Variants in CSMD1 observed in about 807,000 individuals in gnomAD.
CSMD1 encodes the protein CUB and sushi domain-containing protein 1.
In CSMD1, 213 loss-of-function variants were observed where a neutral mutation model predicts 417.5. That is an observed-to-expected ratio of 0.51 (90% CI 0.46 to 0.57). The LOEUF is 0.57. Ranked by LOEUF, CSMD1 falls within the 20% of genes least tolerant of loss-of-function variation. CSMD1 has a pLI of 0.00. For synonymous variants in CSMD1, 2,862 were observed against 1,736.8 expected, an observed-to-expected ratio of 1.65 and a Z score of -16.11; for missense variants, 6,923 against 4,529.7, an observed-to-expected ratio of 1.53 and a Z score of -15.17.
intron 55 of CSMD1, among the ~76,000 whole-genome samples, chr8:2,977,523 T>C (rs908889463): frequency 6.6e-6 from 1 of 152,208 alleles, no homozygotes; most frequent in Non-Finnish European, 1.5e-5. Context: ...TTGGGTTGAT[T>C]CCATGTGTGG....
intron 1 of CSMD1, among the ~76,000 whole-genome samples, chr8:4,688,894 T>A (rs1455520163): frequency 6.6e-6 from 1 of 152,188 alleles, no homozygotes; most frequent in African/African-American, 2.4e-5. Context: ...CACGTCAGTG[T>A]GCTAACAGCA....
intron 6 of CSMD1, among the ~76,000 whole-genome samples, chr8:3,739,253 T>C (rs190087921): frequency 1.4e-3 from 211 of 152,322 alleles, no homozygotes; most frequent in African/African-American, 2.0e-3. Context: ...TCTCATCCTT[T>C]GAAACTTCTG....
intron 10 of CSMD1, among the ~76,000 whole-genome samples, chr8:3,535,712 G>C (rs1234617038): frequency 6.6e-6 from 1 of 152,086 alleles, no homozygotes; most frequent in Admixed American, 6.5e-5. Flanking sequence ...TTGCTTTTTT[G>C]TTAATCCAAG....
chr8:3,312,009 ATTTTAAAATTAG>A (rs1805388455), intron 23 of CSMD1, among the ~76,000 whole-genome samples: 2 of 152,342 alleles, frequency 1.3e-5, no homozygotes, highest in South Asian at 4.1e-4. Flanking sequence ...AAATAGGCTT[ATTTTAAAATTAG>A]TTTAAGAAGA....
chr8:3,485,450 T>G (rs7844574), intron 11 of CSMD1, among the ~76,000 whole-genome samples: 99,458 of 151,216 alleles, frequency 0.66, 33,214 homozygotes, highest in Middle Eastern at 0.77. Flanking sequence ...TTTGGGGTAT[T>G]AGAAATTACC....
chr8:3,691,941 A>T (rs1338376590), intron 7 of CSMD1, among the ~76,000 whole-genome samples: 2 of 152,212 alleles, frequency 1.3e-5, no homozygotes, highest in Non-Finnish European at 2.9e-5. Context: ...TATTATTTTA[A>T]TCAAGAGCTC....
chr8:4,438,571 T>C (rs1798277798), intron 2 of CSMD1, among the ~76,000 whole-genome samples: 1 of 152,162 alleles, frequency 6.6e-6, no homozygotes, highest in African/African-American at 2.4e-5. Context: ...GACGGGAGTG[T>C]GGGGAGCCCT....
intron 6 of CSMD1, among the ~76,000 whole-genome samples, chr8:3,753,195 G>C (rs775516420): frequency 1.3e-5 from 2 of 152,144 alleles, no homozygotes; most frequent in Non-Finnish European, 2.9e-5. Context: ...TAGGCACTTT[G>C]ATTGGGAAGG....
At chr8:4,125,539 C>A (rs775174660) in intron 3 of CSMD1, among the ~76,000 whole-genome samples, 2 of 152,310 alleles carry the variant, frequency 1.3e-5, no homozygotes, top group East Asian at 1.9e-4. Context: ...GGGCGCGCAG[C>A]CTCAACTTTG....
At chr8:3,119,383 C>A (rs375999685) in intron 41 of CSMD1, among the ~76,000 whole-genome samples, 1 of 22,014 alleles carries the variant, frequency 4.5e-5, no homozygotes, top group Admixed American at 8.1e-4. Flanking sequence ...TAGTCTTTTT[C>A]TAAAAAAAAA....
chr8:3,599,242 T>C (rs980641172), intron 8 of CSMD1, among the ~76,000 whole-genome samples: 9 of 151,862 alleles, frequency 5.9e-5, no homozygotes, highest in African/African-American at 2.2e-4. Flanking sequence ...AAATGATTAC[T>C]GCAGTCAAGC....
intron 12 of CSMD1, among the ~76,000 whole-genome samples, chr8:3,437,209 T>C (rs1480068916): frequency 1.3e-5 from 2 of 152,206 alleles, no homozygotes; most frequent in Non-Finnish European, 2.9e-5. Flanking sequence ...AAAAATCCTG[T>C]CTGTTGCTCA....
At chr8:4,722,289 C>G (rs1013467199) in intron 1 of CSMD1, among the ~76,000 whole-genome samples, 3 of 151,876 alleles carry the variant, frequency 2.0e-5, no homozygotes, top group African/African-American at 7.3e-5. Flanking sequence ...ATACAGACTG[C>G]AAGAAAGAGA....
intron 7 of CSMD1, among the ~76,000 whole-genome samples, chr8:3,673,384 G>C (rs1799185872): frequency 6.6e-6 from 1 of 152,176 alleles, no homozygotes; most frequent in Non-Finnish European, 1.5e-5. Flanking sequence ...AAATTAGCAA[G>C]AATATGGAGA....
intron 3 of CSMD1, among the ~76,000 whole-genome samples, chr8:4,183,675 T>C (rs1034423494): frequency 6.6e-6 from 1 of 152,184 alleles, no homozygotes; most frequent in Admixed American, 6.5e-5. Flanking sequence ...ACAAAAATAA[T>C]TTTGTTGTGA....
intron 2 of CSMD1, among the ~76,000 whole-genome samples, chr8:4,428,578 C>G (rs1022905820): frequency 4.3e-4 from 65 of 151,996 alleles, no homozygotes; most frequent in African/African-American, 1.5e-3. Flanking sequence ...TGCAACTTAC[C>G]TTATGACACT....
At chr8:4,881,414 T>C (rs1309674533) in intron 1 of CSMD1, among the ~76,000 whole-genome samples, 1 of 32,380 alleles carries the variant, frequency 3.1e-5, no homozygotes, top group African/African-American at 6.4e-5. Context: ...AGTATACATA[T>C]CTATCTATCT....
chr8:4,453,709 G>A (rs1040819784), intron 2 of CSMD1, among the ~76,000 whole-genome samples: 1 of 151,630 alleles, frequency 6.6e-6, no homozygotes. Flanking sequence ...GTATGCACAG[G>A]CATCACAGCG....
rs117714916 is a variant in CSMD1, at chr8:3,764,377, T to C, written c.819-10335A>G. Among the ~76,000 whole-genome samples the C allele has an allele frequency of 2.1e-3, 316 of 152,312 alleles. 2 individuals are homozygous for C. The East Asian group carries it at 0.024, about 12-fold the overall frequency. On this transcript the variant is annotated intron_variant, in intron 5 of 69. Transcript: ENST00000635120. ...TCTAAACCACATTACATAACTCTGA[T>C]ATGAAATACCACAAACATAATCAAA...
Sources: allele counts gnomAD v4.1 joint callset (sites outside exome capture counted in the v4.1 genomes callset), GRCh38; gene constraint gnomAD v4.1.1; transcripts MANE v1.5; gene names NCBI Gene and HGNC (gene_info 2026-07-23, HGNC 2026-07-21).